PNPLA7: variants seen among roughly 807,000 people sequenced by gnomAD.
PNPLA7 encodes patatin like domain 7, lysophospholipase, also known as patatin-like phospholipase domain-containing protein 7.
A neutral mutation model predicts 161.7 loss-of-function variants in PNPLA7; 153 were observed. That is an observed-to-expected ratio of 0.95 (90% CI 0.83 to 1.08). The LOEUF is 1.08. PNPLA7 is among the 50% of genes least tolerant of loss of function. The pLI is 0.00. For synonymous variants in PNPLA7, 809 were observed against 782.1 expected (o/e 1.03, Z -0.57); for missense variants, 1,739 against 1,856.6 (o/e 0.94, Z 1.16).
At chr9:137,528,761 T>G (rs1208366794) in intron 8 of PNPLA7, among the ~76,000 whole-genome samples, 1 of 151,622 alleles carries the variant, frequency 6.6e-6, no homozygotes. Context: ...AGTGCAGTGG[T>G]GCGATCTTGG....
In PNPLA7 at chr9:137,547,521, AG is replaced by A; in HGVS notation, c.105+63del. 6 of 1,595,196 alleles carry A rather than the reference AG, an allele frequency of 3.8e-6. No individual in the cohort carries two copies. Among genetic ancestry groups the A allele is most frequent in the Non-Finnish European group, 5.2e-6 (6 of 1,163,846 alleles). Reference sequence around the variant, plus strand: ...CAGGAATGAGCCAGGGGATGGGGACAGGGAGAGGTGAAAAAGGCCACGGCCC... The same window carrying A: ...CAGGAATGAGCCAGGGGATGGGGACAGGAGAGGTGAAAAAGGCCACGGCCC... On this transcript the variant is annotated intron_variant, in intron 2 of 34. Coordinates refer to ENST00000406427, the MANE Select transcript of PNPLA7 (RefSeq NM_001098537.3). The surrounding 1 kb of genome is among the most constrained non-coding windows in gnomAD (Gnocchi z 4.6).
Position 137,490,634 on chromosome 9 carries a change from C to G in PNPLA7, c.2197+2379G>C, listed in dbSNP as rs1470359735. Among the ~76,000 whole-genome samples, 1 of 152,200 alleles carries G rather than the reference C, an allele frequency of 6.6e-6. No homozygotes were observed. Among genetic ancestry groups the G allele is most frequent in the African/African-American group, 2.4e-5 (1 of 41,446 alleles). On this transcript the variant is annotated intron_variant, in intron 20 of 34. Coordinates refer to ENST00000406427, the MANE Select transcript of PNPLA7 (RefSeq NM_001098537.3). The surrounding 1 kb of genome is among the most constrained non-coding windows in gnomAD (Gnocchi z 4.1). ...CTCAGATGAGGGAAAGCAAGCGGAT[C>G]TGCAGCCATCAGACCTTCTCTGAAA...
intron 8 of PNPLA7, among the ~76,000 whole-genome samples, chr9:137,536,273 T>C (rs915863916): frequency 1.2e-4 from 18 of 151,676 alleles, no homozygotes; most frequent in African/African-American, 3.6e-4. Context: ...TCTCAGGAAG[T>C]GAATGGAGGA....
chr9:137,529,923 T>C (rs1835497073), intron 8 of PNPLA7, among the ~76,000 whole-genome samples: 2 of 152,014 alleles, frequency 1.3e-5, no homozygotes, highest in Admixed American at 1.3e-4. Flanking sequence ...CCTCCCAAAG[T>C]GCTGGGATTA....
chr9:137,542,627 C>T lies in PNPLA7; in HGVS notation c.666+15G>A, dbSNP rs779822003. ...GCGCAGCCGCCTGACCCCGCCCCGC[C>T]GCCCTGCGACTCACAGTGTCCTGGA... On this transcript the variant is annotated intron_variant, in intron 7 of 34. Transcript: ENST00000406427. The T allele has an allele frequency of 1.1e-5, 17 of 1,573,634 alleles. No homozygotes were observed. The highest frequency in any genetic ancestry group is 2.3e-5 in the East Asian group (1 of 43,134).
rs773673760 is a variant in PNPLA7 at position 137,547,610 on chromosome 9, G to A, written c.80C>T (p.Thr27Met). ...CATGGTGGACGGTGAACCTTCCTCC[G>A]TGAACCACAGTCCCCAAGAGTGCAG... Reference protein sequence around the residue: ...TALHSWGLWFTEEGSPSTMLT... With the variant: ...TALHSWGLWFMEEGSPSTMLT... The change falls in exon 2 of 35, where the codon ACG becomes ATG. Residue 27 changes from threonine (T) to methionine (M), a missense_variant. Transcript: ENST00000406427. The surrounding 1 kb of genome is among the most constrained non-coding windows in gnomAD (Gnocchi z 4.6). The A allele has an allele frequency of 1.6e-5, 26 of 1,613,132 alleles. No individual in the cohort carries two copies. The highest frequency in any genetic ancestry group is 1.6e-4 in the Middle Eastern group (1 of 6,084).
At chr9:137,503,555 G>A (rs1407755850) in intron 14 of PNPLA7, among the ~76,000 whole-genome samples, 1 of 136,390 alleles carries the variant, frequency 7.3e-6, no homozygotes, top group Non-Finnish European at 1.6e-5. Context: ...GAAGGAGGAG[G>A]GAGAAGGAGG....
At chr9:137,483,592 T>A (rs933279945) in intron 21 of PNPLA7, among the ~76,000 whole-genome samples, 1 of 152,078 alleles carries the variant, frequency 6.6e-6, no homozygotes, top group African/African-American at 2.4e-5. Context: ...ATAGCTGGGA[T>A]TACAGGCATT....
chr9:137,546,998 T>C (rs1588725073), intron 3 of PNPLA7, 89 bp from the exon 4 acceptor site: 1 of 1,275,012 alleles, frequency 7.8e-7, no homozygotes, highest in Non-Finnish European at 1.1e-6. Flanking sequence ...AGTCATACTC[T>C]CGTCCCTGCC....
chr9:137,462,327 A>G lies in PNPLA7; in HGVS notation c.3497T>C (p.Leu1166Ser). Residue 1166 changes from leucine (L) to serine (S), a missense_variant, in exon 31 of 35, where the codon TTG (leucine) becomes TCG (serine). By Grantham distance (145) the Leu-to-Ser change is moderately radical. Around this residue, in one of 6 missense-constraint regions of PNPLA7, gnomAD observed 703 missense variants for 694.6 expected, o/e 1.01. Coordinates refer to ENST00000406427, the MANE Select transcript of PNPLA7 (RefSeq NM_001098537.3). ...WNPLATKVKV[L>S]NMAEIQTRLA... is the part of the protein sequence containing the mutation. ...GCGCGTCTGAATCTCTGCCATGTTC[A>G]ACACCTGCTGCCGTCACAGCCGCCT... The G allele has an allele frequency of 6.3e-7, 1 of 1,598,966 alleles. No individual in the cohort carries two copies.
chr9:137,545,778 T>C (rs1445926311), intron 4 of PNPLA7, among the ~76,000 whole-genome samples: 8 of 152,188 alleles, frequency 5.3e-5, no homozygotes, highest in East Asian at 1.9e-4. Context: ...AGTGCGAGCC[T>C]TCTGTTATGC....
chr9:137,516,552 T>C, intron 11 of PNPLA7: 2 of 984,354 alleles, frequency 2.0e-6, no homozygotes, highest in Non-Finnish European at 2.4e-6. Context: ...CTCACACCTG[T>C]AATCCAAACA....
At chr9:137,479,554 C>A in intron 23 of PNPLA7, 1 of 1,085,408 alleles carries the variant, frequency 9.2e-7, no homozygotes, top group Non-Finnish European at 1.1e-6. Context: ...CAAACTCTCA[C>A]AAGGGAGCAT....
In PNPLA7 at chr9:137,519,303, G is replaced by A. The variant is rs556924824; in HGVS notation, c.1084+614C>T. Among the ~76,000 whole-genome samples, 5 of 152,340 alleles carry A rather than the reference G, an allele frequency of 3.3e-5. No homozygotes were observed. The South Asian group carries it at 6.2e-4, about 19-fold the overall frequency. ...CATGCAGTGCACGCCGCACCCGACC[G>A]CTTCCTCCTCAGATTCAGGCCCCCC... On this transcript the variant is annotated intron_variant, in intron 11 of 34. Transcript: ENST00000406427.
At chr9:137,509,302 T>A (rs1304441971) in intron 12 of PNPLA7, 1 of 159,234 alleles carries the variant, frequency 6.3e-6, no homozygotes, top group Non-Finnish European at 1.4e-5. Context: ...ACAAGTGAGT[T>A]TAGCTGGTGT....
chr9:137,518,780 TC>T (rs1188806800), intron 11 of PNPLA7, among the ~76,000 whole-genome samples: 5 of 40,216 alleles, frequency 1.2e-4, no homozygotes, highest in African/African-American at 1.4e-4. Context: ...GTCCACTCCA[TC>T]CCCCACTCAC....
intron 21 of PNPLA7, among the ~76,000 whole-genome samples, chr9:137,484,159 C>T (rs1416189820): frequency 6.6e-6 from 1 of 152,102 alleles, no homozygotes; most frequent in Non-Finnish European, 1.5e-5. Flanking sequence ...TGGTCTTGAA[C>T]TCCTGACCTC....
rs147534123 is a variant in PNPLA7 at position 137,504,437 on chromosome 9, C to G, written c.1473+1177G>C. Among the ~76,000 whole-genome samples the G allele has an allele frequency of 2.3e-3, 343 of 152,320 alleles. 1 individual carries two copies. Among genetic ancestry groups the G allele is most frequent in the Admixed American group, 5.2e-3 (80 of 15,302 alleles). On this transcript the variant is annotated intron_variant, in intron 14 of 34. Transcript: ENST00000406427. ...ATGTTGGTCAGGCTGGTCTCGGACT[C>G]TTGACCTCAGGTGATCCACCTGCCT...
Position 137,524,458 on chromosome 9 carries a change from T to G in PNPLA7, c.748-1601A>C, listed in dbSNP as rs979595473. ...AAGGCCTCGCAGGGTCTCCGTCCATTCAGCAGTCGAAGGATATTTGTGTTG... is the reference window on the plus strand; with the variant it reads ...AAGGCCTCGCAGGGTCTCCGTCCATGCAGCAGTCGAAGGATATTTGTGTTG... On this transcript the variant is annotated intron_variant, in intron 8 of 34. Transcript: ENST00000406427. The surrounding 1 kb of genome is among the most constrained non-coding windows in gnomAD (Gnocchi z 4.4). Among the ~76,000 whole-genome samples, 2 of 152,248 alleles carry G rather than the reference T, an allele frequency of 1.3e-5. No individual in the cohort carries two copies. Among genetic ancestry groups the G allele is most frequent in the African/African-American group, 4.8e-5 (2 of 41,448 alleles).
Sources: allele counts gnomAD v4.1 joint callset (sites outside exome capture counted in the v4.1 genomes callset), GRCh38; gene constraint gnomAD v4.1.1; regional missense constraint gnomAD v4.1.1; non-coding constraint Gnocchi (gnomAD v3.1); transcripts MANE v1.5; gene names NCBI Gene and HGNC (gene_info 2026-07-23, HGNC 2026-07-21).